CHST3: variants seen among roughly 807,000 people sequenced by gnomAD.
The protein encoded by CHST3 is carbohydrate sulfotransferase 3.
In CHST3, 20 loss-of-function variants were observed where a neutral mutation model predicts 35.4. That is an observed-to-expected ratio of 0.57 (90% CI 0.40 to 0.82). The LOEUF is 0.82. Ranked by LOEUF, CHST3 falls within the 40% of genes least tolerant of loss-of-function variation. CHST3 has a pLI of 0.00. For missense variants in CHST3, 693 were observed against 670.1 expected, an observed-to-expected ratio of 1.03 and a Z score of -0.38; for synonymous variants, 334 against 295.9, an observed-to-expected ratio of 1.13 and a Z score of -1.32.
chr10:71,987,311 T>C (rs921540413), intron 1 of CHST3, among the ~76,000 whole-genome samples: 2 of 150,880 alleles, frequency 1.3e-5, no homozygotes, highest in African/African-American at 2.4e-5. Flanking sequence ...GAAAAGAGGC[T>C]GGAGTTCCTC....
chr10:71,971,332 A>C (rs971340658), intron 1 of CHST3, among the ~76,000 whole-genome samples: 1 of 152,170 alleles, frequency 6.6e-6, no homozygotes, highest in African/African-American at 2.4e-5. Context: ...GCACGTCCAC[A>C]TGTTCGTATT....
intron 1 of CHST3, among the ~76,000 whole-genome samples, chr10:71,985,010 C>T (rs1839834630): frequency 6.6e-6 from 1 of 152,236 alleles, no homozygotes. Context: ...CTTTCTTCTC[C>T]TCCTTCCTGC....
At chr10:71,987,200 C>T (rs1839854909) in intron 1 of CHST3, among the ~76,000 whole-genome samples, 1 of 152,062 alleles carries the variant, frequency 6.6e-6, no homozygotes, top group Non-Finnish European at 1.5e-5. Flanking sequence ...GCCCCTCTCT[C>T]CCTAACCGCT....
In CHST3 at chr10:72,007,868, G is replaced by C. The variant is rs749239221; in HGVS notation, c.837G>C (p.Gln279His). Residue 279 changes from glutamine to histidine, a missense_variant, in exon 3 of 3, where the codon CAG becomes CAC. Coordinates refer to ENST00000373115, the MANE Select transcript of CHST3 (RefSeq NM_004273.5). ...CCCTCAAGGCGGTGCGCATCCGGCA[G>C]CTGGAGTTCCTGCAGCCGCTGGCCG... Reference protein sequence around the residue: ...HMALKAVRIRQLEFLQPLAED... With the variant: ...HMALKAVRIRHLEFLQPLAED... The C allele has an allele frequency of 1.3e-6, 2 of 1,599,648 alleles. No homozygotes were observed. Among genetic ancestry groups the C allele is most frequent in the Admixed American group, 1.7e-5 (1 of 58,878 alleles).
intron 1 of CHST3, among the ~76,000 whole-genome samples, chr10:71,966,556 T>C (rs936541971): frequency 1.1e-4 from 16 of 152,184 alleles, no homozygotes; most frequent in African/African-American, 3.9e-4. Flanking sequence ...TTCAAACTTC[T>C]AAATGCTGAA....
chr10:71,974,632 G>A (rs1839727827), intron 1 of CHST3, among the ~76,000 whole-genome samples: 1 of 152,132 alleles, frequency 6.6e-6, no homozygotes, highest in African/African-American at 2.4e-5. Context: ...ACCATTCATA[G>A]CCCAGGGCAA....
In CHST3 at chr10:72,012,554, A is replaced by G. The variant is rs907527064; in HGVS notation, c.*4083A>G. ...TGTGTCCTCAAGGCAGTCCCCTCCC[A>G]TCCCCATTCCCAAAGTCAGAAAGTG... On this transcript the variant is annotated 3_prime_UTR_variant, in exon 3 of 3. Coordinates refer to ENST00000373115, the MANE Select transcript of CHST3 (RefSeq NM_004273.5). 1 of 152,454 alleles carries G rather than the reference A, an allele frequency of 6.6e-6. No individual in the cohort carries two copies. The highest frequency in any genetic ancestry group is 1.5e-5 in the Non-Finnish European group (1 of 68,234). 9.4% of individuals were successfully genotyped at this position (152,454 alleles called of 1,614,324 possible).
rs1840111670 is a variant in CHST3, at chr10:72,011,655, C to T, written c.*3184C>T. 1 of 152,272 alleles carries T rather than the reference C, an allele frequency of 6.6e-6. No homozygotes were observed. Among genetic ancestry groups the T allele is most frequent in the Non-Finnish European group, 1.5e-5 (1 of 68,084 alleles). The allele number at this position is 152,272 out of a possible 1,614,324, so 9.4% of individuals were successfully genotyped here. Reference sequence around the variant, plus strand: ...CTCCACTGGCCGCCAGCCTCCCTAGCACAAGGGGACCATTCAGCAATGAGT... The same window carrying T: ...CTCCACTGGCCGCCAGCCTCCCTAGTACAAGGGGACCATTCAGCAATGAGT... On this transcript the variant is annotated 3_prime_UTR_variant, in exon 3 of 3. Transcript: ENST00000373115.
At chr10:72,004,207 G>A (rs929775867) in intron 1 of CHST3, among the ~76,000 whole-genome samples, 5 of 152,118 alleles carry the variant, frequency 3.3e-5, no homozygotes, top group African/African-American at 9.7e-5. Context: ...TATTTCAGTC[G>A]AGGGTCATTT....
chr10:71,964,656 C>T lies in CHST3; in HGVS notation c.-146C>T, dbSNP rs1335880663. 1 of 151,880 alleles carries T rather than the reference C, an allele frequency of 6.6e-6. No homozygotes were observed. The highest frequency in any genetic ancestry group is 2.4e-5 in the African/African-American group (1 of 41,392). The allele number at this position is 151,880 out of a possible 1,614,324, so 9.4% of individuals were successfully genotyped here. A position where few individuals can be genotyped will look rare whatever the true frequency, so the allele number is the denominator to read the frequency against. On this transcript the variant is annotated 5_prime_UTR_variant, in exon 1 of 3. Coordinates refer to ENST00000373115, the MANE Select transcript of CHST3 (RefSeq NM_004273.5). ...TGCTGCCCGCGCCGGACCCCAGCCG[C>T]GGAGGGTCGGGGCCGCCGGTGGAGT...
At chr10:71,977,138 A>G (rs1839753645) in intron 1 of CHST3, among the ~76,000 whole-genome samples, 3 of 152,212 alleles carry the variant, frequency 2.0e-5, no homozygotes, top group Non-Finnish European at 2.9e-5. Flanking sequence ...TGTTATTATG[A>G]TAACGATCAT....
At chr10:71,995,167 G>C (rs1351456447) in intron 1 of CHST3, among the ~76,000 whole-genome samples, 1 of 152,154 alleles carries the variant, frequency 6.6e-6, no homozygotes, top group Admixed American at 6.5e-5. Flanking sequence ...ACTCACGCCT[G>C]TAATCCCAGC....
intron 1 of CHST3, among the ~76,000 whole-genome samples, chr10:71,991,283 A>C (rs959906442): frequency 2.2e-4 from 33 of 152,316 alleles, no homozygotes; most frequent in African/African-American, 7.7e-4. Context: ...ATTCACCCAC[A>C]CAGTATATTC....
chr10:71,997,261 A>T lies in CHST3; in HGVS notation c.-107-8475A>T, dbSNP rs148833247. 3.0e-3 allele frequency among the ~76,000 whole-genome samples: 454 copies of T among 151,966 alleles called. 2 individuals carry two copies. The highest frequency in any genetic ancestry group is 0.01 in the African/African-American group (429 of 41,404). ...AGACACCCTTCTGTCTGCCTCTATG[A>T]TTTTGGCGCTCTGGGTACCTCATAG... On this transcript the variant is annotated intron_variant, in intron 1 of 2. Coordinates refer to ENST00000373115, the MANE Select transcript of CHST3 (RefSeq NM_004273.5).
chr10:71,995,153 G>A (rs759313572), intron 1 of CHST3, among the ~76,000 whole-genome samples: 9 of 152,136 alleles, frequency 5.9e-5, no homozygotes, highest in East Asian at 5.8e-4. Flanking sequence ...AGCCGGGTGC[G>A]GTGACTCACG....
At chr10:71,984,013 A>G (rs1391412194) in intron 1 of CHST3, among the ~76,000 whole-genome samples, 1 of 152,112 alleles carries the variant, frequency 6.6e-6, no homozygotes, top group African/African-American at 2.4e-5. Flanking sequence ...AAATTCTGTA[A>G]CGGGCCTTTT....
chr10:71,978,323 A>G (rs1444392425), intron 1 of CHST3, among the ~76,000 whole-genome samples: 1 of 151,240 alleles, frequency 6.6e-6, no homozygotes, highest in African/African-American at 2.4e-5. Flanking sequence ...CCGAGATCAC[A>G]CCATTGCACT....
intron 1 of CHST3, among the ~76,000 whole-genome samples, chr10:71,992,658 C>CTT (rs57408244): frequency 1.2e-4 from 13 of 111,392 alleles, no homozygotes; most frequent in South Asian, 2.9e-4. Flanking sequence ...ATGGAATATT[C>CTT]TTTTTTTTTT....
At chr10:71,968,396 G>A (rs1206526130) in intron 1 of CHST3, among the ~76,000 whole-genome samples, 1 of 152,018 alleles carries the variant, frequency 6.6e-6, no homozygotes, top group African/African-American at 2.4e-5. Context: ...GACTTTTGTC[G>A]GATGCATAGT....
Sources: allele counts gnomAD v4.1 joint callset (sites outside exome capture counted in the v4.1 genomes callset), GRCh38; gene constraint gnomAD v4.1.1; transcripts MANE v1.5; gene names NCBI Gene and HGNC (gene_info 2026-07-23, HGNC 2026-07-21).